KCNAB2: variants seen among roughly 807,000 people sequenced by gnomAD.
The protein encoded by KCNAB2 is voltage-gated potassium channel subunit beta-2.
KCNAB2 carries 29 observed loss-of-function variants against 63.6 expected under a neutral mutation model. That is an observed-to-expected ratio of 0.46 (90% CI 0.34 to 0.62). The LOEUF (loss-of-function observed/expected upper bound fraction) is 0.62. Ranked by LOEUF, KCNAB2 falls within the 20% of genes least tolerant of loss-of-function variation. The probability of loss-of-function intolerance (pLI) is 0.01; values close to 1 mark genes in which losing one functional copy is unlikely to be tolerated. For missense variants in KCNAB2, 359 were observed against 563.9 expected (o/e 0.64, Z 3.68); for synonymous variants, 222 against 224.2 (o/e 0.99, Z 0.09).
At chr1:6,034,143 C>CA (rs1297015617), upstream of KCNAB2, 2 of 152,342 alleles carry the variant, frequency 1.3e-5, no homozygotes, top group East Asian at 3.8e-4. Flanking sequence ...GCCTGGAACT[C>CA]ACGGCATCCC....
intron 1 of KCNAB2, among the ~76,000 whole-genome samples, chr1:6,038,457 A>AT (rs1426985802): frequency 6.6e-6 from 1 of 151,822 alleles, no homozygotes; most frequent in African/African-American, 2.4e-5. Flanking sequence ...CGCCCAGCTA[A>AT]TTTTTTTATT....
At chr1:6,095,300 G>T in intron 11 of KCNAB2, 23 bp from the exon 12 acceptor site, 1 of 1,603,882 alleles carries the variant, frequency 6.2e-7, no homozygotes. Context: ...AAGGGCCCTC[G>T]GGGTCCCTTT....
Position 6,003,684 on chromosome 1 carries a change from T to C in KCNAB2, c.-53+10896T>C, listed in dbSNP as rs1657391464. Among the ~76,000 whole-genome samples, 1 of 152,232 alleles carries C rather than the reference T, an allele frequency of 6.6e-6. No homozygotes were observed. The highest frequency in any genetic ancestry group is 2.1e-4 in the South Asian group (1 of 4,830). Reference sequence around the variant, plus strand: ...TCCTGGACCCCAAGCTCTGGACCTCTACTACCCAATTTCAAAAAGGTCGTA... The same window carrying C: ...TCCTGGACCCCAAGCTCTGGACCTCCACTACCCAATTTCAAAAAGGTCGTA... On this transcript the variant is annotated intron_variant, in intron 1 of 16. Coordinates refer to the KCNAB2 transcript ENST00000341524. This position sits in a 1 kb window ranked among gnomAD's most constrained non-coding sequence, Gnocchi z 4.1.
At chr1:6,044,595 G>A (rs1364196234), upstream of KCNAB2, among the ~76,000 whole-genome samples, 9 of 152,144 alleles carry the variant, frequency 5.9e-5, no homozygotes. Context: ...TGTTGGTGGG[G>A]GGCCTCGAAT....
intron 5 of KCNAB2, among the ~76,000 whole-genome samples, 154 bp from the exon 6 acceptor site, chr1:6,085,050 G>A (rs553957166): frequency 6.6e-6 from 1 of 152,310 alleles, no homozygotes; most frequent in African/African-American, 2.4e-5. Flanking sequence ...CCTGTCTGTG[G>A]AATGAGCTAC....
Position 6,098,465 on chromosome 1 carries a change from G to C in KCNAB2, c.1159-20G>C. The C allele has an allele frequency of 6.2e-7, 1 of 1,613,416 alleles. No homozygotes were observed. Among genetic ancestry groups the C allele is most frequent in the Non-Finnish European group, 8.5e-7 (1 of 1,179,650 alleles). On this transcript the variant is annotated intron_variant, in intron 15 of 15. Transcript: ENST00000378083. Reference sequence around the variant, plus strand: ...CGTCTTGTTGGTGGGATTCTGATTTGTTGTTGTTCTTGCACGCAGGTCCTT... The same window carrying C: ...CGTCTTGTTGGTGGGATTCTGATTTCTTGTTGTTCTTGCACGCAGGTCCTT...
rs1664815223 is a variant in KCNAB2 at position 6,087,607 on chromosome 1, C to T, written c.470+96C>T. 1.4e-5 allele frequency: 18 copies of T among 1,323,004 alleles called. No homozygotes were observed. The highest frequency in any genetic ancestry group is 1.8e-4 in the Middle Eastern group (1 of 5,474). The allele number at this position is 1,323,004 out of a possible 1,614,324, so 82.0% of individuals were successfully genotyped here. Reference sequence around the variant, plus strand: ...CTGACCTAGAAGGCTCCTGGGGTGGCGGGAGGACAGTCCTCCTTGAGAAGG... The same window carrying T: ...CTGACCTAGAAGGCTCCTGGGGTGGTGGGAGGACAGTCCTCCTTGAGAAGG... On this transcript the variant is annotated intron_variant, in intron 7 of 15. Coordinates refer to ENST00000378083, the MANE Select transcript of KCNAB2 (RefSeq NM_001199862.2). The surrounding 1 kb of genome is among the most constrained non-coding windows in gnomAD (Gnocchi z 6.4).
At chr1:6,088,872 C>T (rs906879599) in intron 7 of KCNAB2, 136 bp from the exon 8 acceptor site, 26 of 825,674 alleles carry the variant, frequency 3.1e-5, no homozygotes, top group Admixed American at 4.8e-5. Context: ...GTCCCTACCC[C>T]CAAAGTGGAA....
chr1:6,096,836 C>T lies in KCNAB2; in HGVS notation c.1069+80C>T. On this transcript the variant is annotated intron_variant, in intron 14 of 15. Transcript: ENST00000378083. The surrounding 1 kb of genome is among the most constrained non-coding windows in gnomAD (Gnocchi z 5.9). The stretch of plus-strand genomic sequence containing the variant: ...GGCCGTAGGTAACAGGGTGGGGTTG[C>T]CATGGGGCCAGTGTCTCCGGGGAGA... 3 of 1,449,926 alleles carry T rather than the reference C, an allele frequency of 2.1e-6. No individual in the cohort carries two copies. Among genetic ancestry groups the T allele is most frequent in the Non-Finnish European group, 2.8e-6 (3 of 1,089,718 alleles). The allele number at this position is 1,449,926 out of a possible 1,614,324, so 89.8% of individuals were successfully genotyped here.
At position 6,092,715 on chromosome 1, in the gene KCNAB2, G is replaced by T. The variant is rs887121765; in HGVS notation, c.646+1408G>T. Among the ~76,000 whole-genome samples, 5 of 152,234 alleles carry T rather than the reference G, an allele frequency of 3.3e-5. No homozygotes were observed. The East Asian group carries it at 9.6e-4, about 29-fold the overall frequency. On this transcript the variant is annotated intron_variant, in intron 10 of 15. Coordinates refer to ENST00000378083, the MANE Select transcript of KCNAB2 (RefSeq NM_001199862.2). ...CCAGGCACTTCCTGAGGGTCTATCG[G>T]AGTTGGCAGTTAAAGCAGGTGGCCC...
chr1:6,073,678 G>A lies in KCNAB2; in HGVS notation c.263-55G>A. On this transcript the variant is annotated intron_variant, in intron 3 of 15. Coordinates refer to ENST00000378083, the MANE Select transcript of KCNAB2 (RefSeq NM_001199862.2). The surrounding 1 kb of genome is among the most constrained non-coding windows in gnomAD (Gnocchi z 5.7). The stretch of plus-strand genomic sequence containing the variant: ...ACAGCCTGAGGTCTGAGCACCGACG[G>A]GATAATCTGGCTTCCTGCCAGGTTC... 1 of 1,579,988 alleles carries A rather than the reference G, an allele frequency of 6.3e-7. No homozygotes were observed. The highest frequency in any genetic ancestry group is 8.7e-7 in the Non-Finnish European group (1 of 1,148,952).
At chr1:6,060,535 G>A (rs996565091) in intron 2 of KCNAB2, among the ~76,000 whole-genome samples, 2 of 152,226 alleles carry the variant, frequency 1.3e-5, no homozygotes, top group East Asian at 1.9e-4. Flanking sequence ...CGTTCAGCAC[G>A]GACAAGGCGG....
chr1:6,043,572 G>T (rs1320383357), upstream of KCNAB2, among the ~76,000 whole-genome samples: 5 of 152,222 alleles, frequency 3.3e-5, no homozygotes, highest in African/African-American at 1.2e-4. Flanking sequence ...GGTCACTTGG[G>T]TGTCTCTTGT....
intron 1 of KCNAB2, chr1:6,040,439 C>T: frequency 2.6e-6 from 2 of 773,986 alleles, no homozygotes; most frequent in South Asian, 3.2e-5. Flanking sequence ...TTTGTGATCC[C>T]AGAGTCTCCC....
At chr1:6,051,376 C>G (rs972169689) in intron 1 of KCNAB2, 135 bp from the exon 2 acceptor site, 16 of 1,092,194 alleles carry the variant, frequency 1.5e-5, no homozygotes, top group Non-Finnish European at 1.7e-5. Flanking sequence ...GGGTCCCACT[C>G]CTAGACACCA....
At chr1:6,015,033 T>G (rs934778721) in intron 1 of KCNAB2, among the ~76,000 whole-genome samples, 24 of 143,284 alleles carry the variant, frequency 1.7e-4, no homozygotes, top group African/African-American at 4.7e-4. Context: ...TTTTTTTTTT[T>G]TTTTTTTTTG....
intron 1 of KCNAB2, among the ~76,000 whole-genome samples, chr1:6,022,736 C>G (rs1214392462): frequency 1.3e-5 from 2 of 152,064 alleles, no homozygotes; most frequent in Non-Finnish European, 2.9e-5. Context: ...TGGAATTGTA[C>G]AGTATTTGTC....
chr1:6,081,285 G>A (rs1246985705), intron 4 of KCNAB2, among the ~76,000 whole-genome samples: 3 of 152,250 alleles, frequency 2.0e-5, no homozygotes, highest in Admixed American at 1.3e-4. Flanking sequence ...TGGACAAGAG[G>A]CCAGAATGGA....
upstream of KCNAB2, among the ~76,000 whole-genome samples, chr1:6,042,384 G>A (rs1660566759): frequency 6.6e-6 from 1 of 152,186 alleles, no homozygotes; most frequent in African/African-American, 2.4e-5. Context: ...ACATCTTTCT[G>A]ATATGTTTTT....
Sources: gnomAD v4.1 joint callset for allele counts (sites outside exome capture counted in the v4.1 genomes callset) on GRCh38, gnomAD v4.1.1 for gene constraint, Gnocchi (gnomAD v3.1) non-coding constraint, MANE v1.5 for transcripts, NCBI Gene and HGNC (gene_info 2026-07-23, HGNC 2026-07-21) for gene names.